MGAT4C: variants seen among roughly 807,000 people sequenced by gnomAD.
MGAT4C encodes alpha-1,3-mannosyl-glycoprotein 4-beta-N-acetylglucosaminyltransferase C.
In MGAT4C, 19 loss-of-function variants were observed where a neutral mutation model predicts 40.1. That is an observed-to-expected ratio of 0.47 (90% CI 0.33 to 0.70). The LOEUF (loss-of-function observed/expected upper bound fraction) is 0.70. Ranked by LOEUF, MGAT4C falls within the 30% of genes least tolerant of loss-of-function variation. MGAT4C has a pLI of 0.02. For synonymous variants in MGAT4C, 181 were observed against 187.1 expected, an observed-to-expected ratio of 0.97 and a Z score of 0.27; for missense variants, 491 against 563.2, an observed-to-expected ratio of 0.87 and a Z score of 1.30.
rs571289223 is a variant in MGAT4C, at chr12:86,633,765, G to T, written c.-229+93444C>A. ...TATGTAAAACCTAATGGGTAAACTA[G>T]ACGATAAGATTTAATCATATTTTGT... On this transcript the variant is annotated intron_variant, in intron 2 of 7. Coordinates refer to the MGAT4C transcript ENST00000548651. Among the ~76,000 whole-genome samples, 4 of 152,144 alleles carry T rather than the reference G, an allele frequency of 2.6e-5. No individual in the cohort carries two copies. In the South Asian group the frequency reaches 8.3e-4, roughly 31 times the overall value.
At chr12:86,649,576 G>T (rs1963640007) in intron 2 of MGAT4C, among the ~76,000 whole-genome samples, 1 of 151,748 alleles carries the variant, frequency 6.6e-6, no homozygotes, top group Non-Finnish European at 1.5e-5. Flanking sequence ...AGTAAAGCAG[G>T]TCGATGCTGT....
At chr12:86,426,747 A>G (rs1956933471) in intron 3 of MGAT4C, among the ~76,000 whole-genome samples, 1 of 152,188 alleles carries the variant, frequency 6.6e-6, no homozygotes. Flanking sequence ...GGAGATCGAG[A>G]CCATCCTGGC....
intron 1 of MGAT4C, among the ~76,000 whole-genome samples, chr12:86,253,019 C>G (rs1026103674): frequency 4.6e-5 from 7 of 151,808 alleles, no homozygotes; most frequent in African/African-American, 1.7e-4. Flanking sequence ...ATGTAAAAAT[C>G]TATTTTAGAT....
intron 3 of MGAT4C, among the ~76,000 whole-genome samples, chr12:86,410,151 C>T (rs951555352): frequency 2.6e-5 from 4 of 152,090 alleles, no homozygotes; most frequent in Non-Finnish European, 5.9e-5. Context: ...CGGCTGTGCA[C>T]GTATTGTCTT....
At chr12:86,589,080 C>CA (rs1480820235) in intron 2 of MGAT4C, among the ~76,000 whole-genome samples, 6 of 150,946 alleles carry the variant, frequency 4.0e-5, no homozygotes, top group African/African-American at 1.5e-4. Context: ...AATAGAGACA[C>CA]AAAAAACCCT....
chr12:86,664,430 ATTATT>A (rs1000289304), intron 2 of MGAT4C, among the ~76,000 whole-genome samples: 3 of 152,134 alleles, frequency 2.0e-5, no homozygotes, highest in Non-Finnish European at 2.9e-5. Flanking sequence ...AATAGAATTT[ATTATT>A]TTATTTGTAT....
intron 1 of MGAT4C, among the ~76,000 whole-genome samples, chr12:86,155,454 T>C (rs1884818672): frequency 6.6e-6 from 1 of 152,190 alleles, no homozygotes; most frequent in African/African-American, 2.4e-5. Context: ...ACATTCGTAA[T>C]GTGGTTTAGG....
chr12:86,207,164 T>A (rs1950291171), intron 1 of MGAT4C, among the ~76,000 whole-genome samples: 1 of 152,126 alleles, frequency 6.6e-6, no homozygotes, highest in African/African-American at 2.4e-5. Flanking sequence ...ATAGTTACTA[T>A]TATCTTCATT....
intron 1 of MGAT4C, among the ~76,000 whole-genome samples, chr12:86,099,820 A>G (rs1395654045): frequency 2.0e-5 from 3 of 151,332 alleles, no homozygotes; most frequent in East Asian, 3.9e-4. Flanking sequence ...AACATGGCCA[A>G]TTTTCATGAA....
chr12:86,664,125 ACAGTCAATTTTTTTTTTTT>A (rs1008180652), intron 2 of MGAT4C, among the ~76,000 whole-genome samples: 2 of 149,342 alleles, frequency 1.3e-5, no homozygotes, highest in Middle Eastern at 3.2e-3. Flanking sequence ...CTGGCATTGC[ACAGTCAATTTTTTTTTTTT>A]TTGTACTTCA....
intron 1 of MGAT4C, among the ~76,000 whole-genome samples, chr12:86,828,326 T>C (rs555712973): frequency 6.6e-6 from 1 of 151,366 alleles, no homozygotes; most frequent in South Asian, 2.1e-4. Context: ...TACTCCGAGA[T>C]ATGTTAAACA....
At chr12:86,286,852 A>G (rs549791689) in intron 4 of MGAT4C, among the ~76,000 whole-genome samples, 7 of 149,796 alleles carry the variant, frequency 4.7e-5, no homozygotes, top group African/African-American at 1.7e-4. Context: ...GTTTTTCTGT[A>G]CCCCTGTAAG....
chr12:86,826,304 T>C (rs994306552), intron 1 of MGAT4C, among the ~76,000 whole-genome samples: 2 of 151,404 alleles, frequency 1.3e-5, no homozygotes, highest in African/African-American at 4.8e-5. Context: ...ATTCCAGGGC[T>C]TAGTTTATGT....
In MGAT4C at chr12:86,800,647, C is replaced by A. The variant is rs116545154; in HGVS notation, c.-262+38019G>T. On this transcript the variant is annotated intron_variant, in intron 1 of 7. Transcript: ENST00000548651. Reference sequence around the variant, plus strand: ...ATATTTGAAATGGATATTGCATTTACAATTATTAATAATAACTACGTTTAA... The same window carrying A: ...ATATTTGAAATGGATATTGCATTTAAAATTATTAATAATAACTACGTTTAA... Among the ~76,000 whole-genome samples the A allele has an allele frequency of 6.7e-3, 1,022 of 151,922 alleles. 9 individuals are homozygous for A. The highest frequency in any genetic ancestry group is 0.024 in the African/African-American group (982 of 41,492).
intron 2 of MGAT4C, among the ~76,000 whole-genome samples, chr12:86,586,739 T>C (rs1474482510): frequency 3.3e-5 from 5 of 151,204 alleles, no homozygotes; most frequent in African/African-American, 1.2e-4. Flanking sequence ...TTTGGCTGCA[T>C]AAATGTCTTC....
At chr12:86,425,801 G>C (rs1430527222) in intron 3 of MGAT4C, among the ~76,000 whole-genome samples, 8 of 151,988 alleles carry the variant, frequency 5.3e-5, no homozygotes, top group Admixed American at 4.6e-4. Context: ...AATATCTTGG[G>C]TATTTCCAAG....
intron 1 of MGAT4C, among the ~76,000 whole-genome samples, chr12:86,796,198 T>C (rs1274536791): frequency 6.6e-6 from 1 of 151,736 alleles, no homozygotes; most frequent in Non-Finnish European, 1.5e-5. Context: ...AGCCACACTA[T>C]ATTACTTCTG....
chr12:86,321,971 C>A (rs1039207610), intron 4 of MGAT4C, among the ~76,000 whole-genome samples: 3 of 151,918 alleles, frequency 2.0e-5, no homozygotes, highest in Non-Finnish European at 2.9e-5. Context: ...TTGGAACCAA[C>A]CCAAATGTCC....
intron 4 of MGAT4C, among the ~76,000 whole-genome samples, chr12:86,311,870 C>T (rs1241194616): frequency 6.6e-6 from 1 of 152,136 alleles, no homozygotes; most frequent in African/African-American, 2.4e-5. Flanking sequence ...CACTGGCACT[C>T]TCCACTCCAG....
Sources: gnomAD v4.1 joint callset for allele counts (sites outside exome capture counted in the v4.1 genomes callset) on GRCh38, gnomAD v4.1.1 for gene constraint, MANE v1.5 for transcripts, NCBI Gene and HGNC (gene_info 2026-07-23, HGNC 2026-07-21) for gene names.